The following ANK3 variants were observed in gnomAD, a reference collection of about 807,000 sequenced individuals.
ANK3 encodes the protein ankyrin-3.
ANK3 carries 57 observed loss-of-function variants against 370.9 expected under a neutral mutation model. The observed-to-expected ratio is 0.15, with a 90% CI of 0.12 to 0.19. ANK3 has a LOEUF of 0.19. Ranked by LOEUF, ANK3 falls within the 10% of genes least tolerant of loss-of-function variation. The pLI is 1.00. For missense variants in ANK3, 4,439 were observed against 5,302.1 expected (o/e 0.84, Z 5.06); for synonymous variants, 1,929 against 1,946.3 (o/e 0.99, Z 0.23).
At chr10:60,572,991 T>C (rs2077634042) in intron 2 of ANK3, 14 of 988,008 alleles carry the variant, frequency 1.4e-5, no homozygotes, top group Non-Finnish European at 1.6e-5. Context: ...CAGGGGCTGA[T>C]TTGCTGCTTC....
At chr10:60,485,546 A>G (rs1412828882) in intron 2 of ANK3, among the ~76,000 whole-genome samples, 1 of 152,190 alleles carries the variant, frequency 6.6e-6, no homozygotes, top group Non-Finnish European at 1.5e-5. Context: ...GGGAGAGGGC[A>G]GGAGGCAGGT....
chr10:60,600,298 T>C (rs2078043121), intron 2 of ANK3, among the ~76,000 whole-genome samples: 1 of 152,298 alleles, frequency 6.6e-6, no homozygotes, highest in South Asian at 2.1e-4. Flanking sequence ...TCTTTATTCC[T>C]GGAATTTGCC....
At chr10:60,167,985 T>C (rs1591154366) in intron 21 of ANK3, among the ~76,000 whole-genome samples, 1 of 152,164 alleles carries the variant, frequency 6.6e-6, no homozygotes, top group Admixed American at 6.6e-5. Flanking sequence ...AGTTCCCATA[T>C]ACCCCACACC....
At chr10:60,383,829 C>G (rs1186430155) in intron 1 of ANK3, among the ~76,000 whole-genome samples, 2 of 152,044 alleles carry the variant, frequency 1.3e-5, no homozygotes, top group African/African-American at 4.8e-5. Flanking sequence ...TCAGAGATAC[C>G]CAGGTAATTA....
At chr10:60,421,703 G>T (rs979558810) in intron 2 of ANK3, among the ~76,000 whole-genome samples, 7 of 152,014 alleles carry the variant, frequency 4.6e-5, no homozygotes, top group Non-Finnish European at 4.4e-5. Context: ...CACTCCAAGG[G>T]TGTGTTAATC....
intron 1 of ANK3, among the ~76,000 whole-genome samples, chr10:60,625,826 T>C (rs1392601173): frequency 6.6e-6 from 1 of 152,214 alleles, no homozygotes; most frequent in Admixed American, 6.6e-5. Context: ...GCATGGTTCT[T>C]ATAAAATTAG....
In ANK3 at chr10:60,073,755, G is replaced by C. The variant is rs2083230933; in HGVS notation, c.7126C>G (p.Leu2376Val). The C allele has an allele frequency of 6.2e-7, 1 of 1,613,800 alleles. No individual in the cohort carries two copies. The highest frequency in any genetic ancestry group is 2.2e-5 in the East Asian group (1 of 44,868). The change falls in exon 37 of 44, where the codon CTG becomes GTG. Residue 2376 changes from leucine to valine, a missense_variant. Physicochemically the swap from Leu to Val is conservative, Grantham distance 32. This residue lies in a region of ANK3 where 1,601 missense variants were observed against 1,731.7 expected (regional missense o/e 0.92). Transcript: ENST00000280772. ...SRGDINLKDF[L>V]PEKHDAFPCS... ...GGAAAAGCATCGTGTTTTTCTGGCA[G>C]AAAATCTTTTAGGTTAATATCTCCC...
chr10:60,617,079 A>G (rs1268876762), intron 1 of ANK3, among the ~76,000 whole-genome samples: 2 of 152,268 alleles, frequency 1.3e-5, no homozygotes, highest in Non-Finnish European at 2.9e-5. Flanking sequence ...TATCATAATT[A>G]TATAAATATT....
intron 12 of ANK3, 142 bp downstream of exon 12, chr10:60,202,860 T>C (rs2096706021): frequency 5.3e-6 from 3 of 571,306 alleles, no homozygotes; most frequent in East Asian, 6.0e-5. Context: ...TGAGCTATGA[T>C]TGCACCACTG....
chr10:60,504,034 A>G (rs1386375121), intron 2 of ANK3, among the ~76,000 whole-genome samples: 5 of 152,226 alleles, frequency 3.3e-5, no homozygotes, highest in South Asian at 2.1e-4. Context: ...TAAAAATACA[A>G]AAGTATAAGA....
At position 60,616,055 on chromosome 10, in the gene ANK3, C is replaced by T. The variant is rs550599580; in HGVS notation, c.58-831G>A. ...TAACTACACTTGTGTACATTTCATT[C>T]GACTCTATCAAAGGCTATTCAAATT... On this transcript the variant is annotated intron_variant, in intron 1 of 43. Coordinates refer to the ANK3 transcript ENST00000373827. Among the ~76,000 whole-genome samples, 151 of 152,182 alleles carry T rather than the reference C, an allele frequency of 9.9e-4. 1 individual carries two copies. The highest frequency in any genetic ancestry group is 2.0e-3 in the African/African-American group (82 of 41,530).
rs571744824 is a variant in ANK3 at position 60,091,875 on chromosome 10, CAT to C, written c.3329-3519_3329-3518del. ...CCTCCCGAGTAGCTGGGACTACAGG[CAT>C]GCGCCACCATGCCCAGCTAATTTTC... On this transcript the variant is annotated intron_variant, in intron 28 of 43. Coordinates refer to ENST00000280772, the MANE Select transcript of ANK3 (RefSeq NM_020987.5). Among the ~76,000 whole-genome samples the C allele has an allele frequency of 3.7e-4, 56 of 152,116 alleles. No individual in the cohort carries two copies. The East Asian group carries it at 9.5e-3, about 26-fold the overall frequency.
intron 2 of ANK3, among the ~76,000 whole-genome samples, chr10:60,548,913 C>T (rs1392489348): frequency 6.6e-6 from 1 of 152,120 alleles, no homozygotes; most frequent in East Asian, 1.9e-4. Flanking sequence ...TTTACAGCTT[C>T]TGCTCACTTA....
At chr10:60,287,664 T>A (rs1056465199) in intron 1 of ANK3, among the ~76,000 whole-genome samples, 3 of 152,200 alleles carry the variant, frequency 2.0e-5, no homozygotes, top group African/African-American at 7.2e-5. Context: ...CTAACTTTCT[T>A]AAAAATTAAG....
chr10:60,229,708 G>A (rs565590623), intron 8 of ANK3, among the ~76,000 whole-genome samples: 3 of 152,216 alleles, frequency 2.0e-5, no homozygotes, highest in East Asian at 3.9e-4. Flanking sequence ...GAAAAATTAC[G>A]TTACCATAGG....
chr10:60,615,177 T>A, intron 2 of ANK3: 1 of 1,499,988 alleles, frequency 6.7e-7, no homozygotes, highest in South Asian at 1.3e-5. Flanking sequence ...TAGTGATAAT[T>A]TTCATTACCT....
chr10:60,193,249 TTTCAAA>T (rs2132391418), intron 16 of ANK3, among the ~76,000 whole-genome samples: 1 of 152,366 alleles, frequency 6.6e-6, no homozygotes, highest in South Asian at 2.1e-4. Context: ...TTGCTTTTCT[TTTCAAA>T]TCTTTGTAAA....
chr10:60,227,841 A>C (rs2097186338), intron 8 of ANK3, among the ~76,000 whole-genome samples: 1 of 152,188 alleles, frequency 6.6e-6, no homozygotes, highest in Non-Finnish European at 1.5e-5. Context: ...AAATTCAGCA[A>C]ATTTCAACAG....
chr10:60,214,248 T>C (rs2096900734), intron 8 of ANK3, among the ~76,000 whole-genome samples: 1 of 152,172 alleles, frequency 6.6e-6, no homozygotes, highest in African/African-American at 2.4e-5. Context: ...AGCATCAATA[T>C]TAGCCCTGAT....
Sources: gnomAD v4.1 joint callset for allele counts (sites outside exome capture counted in the v4.1 genomes callset) on GRCh38, gnomAD v4.1.1 for gene constraint, gnomAD v4.1.1 regional missense constraint, MANE v1.5 for transcripts, NCBI Gene and HGNC (gene_info 2026-07-23, HGNC 2026-07-21) for gene names.